The following HECW1 variants were observed in gnomAD, a reference collection of about 807,000 sequenced individuals.
The protein encoded by HECW1 is E3 ubiquitin-protein ligase HECW1.
In HECW1, 61 loss-of-function variants were observed where a neutral mutation model predicts 182.3. The observed-to-expected ratio is 0.33, with a 90% CI of 0.27 to 0.41. The LOEUF (loss-of-function observed/expected upper bound fraction) is 0.41. HECW1 is among the 10% of genes least tolerant of loss of function. The pLI is 1.00. For synonymous variants in HECW1, 859 were observed against 832.6 expected (o/e 1.03, Z -0.55); for missense variants, 1,739 against 2,108.9 (o/e 0.82, Z 3.44).
chr7:43,210,072 G>A (rs190661927), intron 2 of HECW1, among the ~76,000 whole-genome samples: 57 of 152,256 alleles, frequency 3.7e-4, no homozygotes, highest in East Asian at 1.2e-3. Flanking sequence ...GTCAACAGCC[G>A]GGGACTGGCA....
chr7:43,317,809 TTGTGTGTGTGTGTGTGTG>T (rs3032881), intron 4 of HECW1, among the ~76,000 whole-genome samples: 6 of 142,616 alleles, frequency 4.2e-5, no homozygotes, highest in East Asian at 2.1e-4. Flanking sequence ...TTTCTCATTA[TTGTGTGTGTGTGTGTGTG>T]TGTGTGTGTG....
intron 2 of HECW1, among the ~76,000 whole-genome samples, chr7:43,182,427 T>C (rs1792957687): frequency 6.6e-6 from 1 of 152,240 alleles, no homozygotes; most frequent in Admixed American, 6.5e-5. Context: ...CCCCAATGTG[T>C]GTTTTTGGTC....
At chr7:43,213,250 G>A (rs1441680843) in intron 2 of HECW1, among the ~76,000 whole-genome samples, 7 of 151,984 alleles carry the variant, frequency 4.6e-5, no homozygotes, top group Non-Finnish European at 4.4e-5. Context: ...ACTGAAGCAG[G>A]ACTGACTTGA....
chr7:43,517,121 G>C (rs1034225449), intron 24 of HECW1, among the ~76,000 whole-genome samples: 1 of 152,248 alleles, frequency 6.6e-6, no homozygotes, highest in Non-Finnish European at 1.5e-5. Flanking sequence ...TTACATAATT[G>C]TCAGTGTGAG....
intron 3 of HECW1, among the ~76,000 whole-genome samples, chr7:43,246,991 A>C (rs968660565): frequency 5.9e-5 from 9 of 152,150 alleles, no homozygotes; most frequent in African/African-American, 2.2e-4. Context: ...CCCTCCATAC[A>C]TAGGTGGAGT....
intron 2 of HECW1, among the ~76,000 whole-genome samples, chr7:43,215,243 G>A (rs1390153269): frequency 6.6e-6 from 1 of 152,228 alleles, no homozygotes; most frequent in Non-Finnish European, 1.5e-5. Context: ...CCCTTGCTGT[G>A]CCCGCATTAA....
chr7:43,542,799 G>A (rs1563108427), intron 26 of HECW1, among the ~76,000 whole-genome samples: 3 of 152,220 alleles, frequency 2.0e-5, no homozygotes, highest in Middle Eastern at 3.4e-3. Flanking sequence ...CAATTCCTTG[G>A]GAACTACTTC....
chr7:43,490,906 C>T lies in HECW1; in HGVS notation c.3235-1169C>T, dbSNP rs147212228. ...CCGAGTAGCTAGGATTACAGGCATG[C>T]GCCACCATGCCTGGCTTATTTTTAG... On this transcript the variant is annotated intron_variant, in intron 17 of 29. Transcript: ENST00000395891. Among the ~76,000 whole-genome samples the T allele has an allele frequency of 5.6e-3, 848 of 152,150 alleles. 5 individuals carry two copies. Among genetic ancestry groups the T allele is most frequent in the African/African-American group, 0.019 (801 of 41,498 alleles).
chr7:43,256,876 A>G (rs1800646071), intron 3 of HECW1, among the ~76,000 whole-genome samples: 1 of 152,204 alleles, frequency 6.6e-6, no homozygotes, highest in Non-Finnish European at 1.5e-5. Flanking sequence ...TATATAAACC[A>G]TGTATTGACA....
At chr7:43,302,955 G>GCGCACACACACGCGCA (rs1554347432) in intron 3 of HECW1, among the ~76,000 whole-genome samples, 4 of 151,116 alleles carry the variant, frequency 2.6e-5, no homozygotes, top group African/African-American at 9.7e-5. Flanking sequence ...ACACATGCGC[G>GCGCACACACACGCGCA]CACACACACA....
At chr7:43,361,065 T>C (rs1350607349) in intron 6 of HECW1, 85 bp downstream of exon 6, 174 of 489,264 alleles carry the variant, frequency 3.6e-4, no homozygotes, top group African/African-American at 5.5e-4. Flanking sequence ...TGCGTGTGTG[T>C]GTGTGTGTGT....
intron 6 of HECW1, among the ~76,000 whole-genome samples, chr7:43,382,564 G>C (rs1320863295): frequency 6.6e-6 from 1 of 152,322 alleles, no homozygotes; most frequent in East Asian, 1.9e-4. Flanking sequence ...AAAATAACGA[G>C]TTACTGCCTA....
chr7:43,121,297 C>T lies in HECW1; in HGVS notation c.-32+6906C>T, dbSNP rs73690255. Among the ~76,000 whole-genome samples, 492 of 152,260 alleles carry T rather than the reference C, an allele frequency of 3.2e-3. 5 individuals carry two copies. The highest frequency in any genetic ancestry group is 0.012 in the African/African-American group (481 of 41,538). ...ACTTGATAAAAACTGTTCTTTGCTT[C>T]CTCTGGGCCACACTGACTTTGTCAT... On this transcript the variant is annotated intron_variant, in intron 2 of 29. Transcript: ENST00000395891.
intron 5 of HECW1, among the ~76,000 whole-genome samples, chr7:43,343,684 G>A (rs1813311129): frequency 6.6e-6 from 1 of 151,772 alleles, no homozygotes; most frequent in Non-Finnish European, 1.5e-5. Context: ...CATTTGGGTT[G>A]GTTTCAAGTC....
chr7:43,430,251 C>T (rs986574387), intron 8 of HECW1, among the ~76,000 whole-genome samples: 3 of 152,162 alleles, frequency 2.0e-5, no homozygotes, highest in African/African-American at 7.2e-5. Flanking sequence ...TGTAGCATCA[C>T]CCTCACATCC....
rs150883650 is a variant in HECW1 at position 43,354,509 on chromosome 7, T to C, written c.461-6377T>C. On this transcript the variant is annotated intron_variant, in intron 5 of 29. Coordinates refer to ENST00000395891, the MANE Select transcript of HECW1 (RefSeq NM_015052.5). Reference sequence around the variant, plus strand: ...CAAATCTTGGAACTGAGAAATATATTTGCTGAAGTGAAAAATTTATTACAC... The same window carrying C: ...CAAATCTTGGAACTGAGAAATATATCTGCTGAAGTGAAAAATTTATTACAC... 2.2e-3 allele frequency among the ~76,000 whole-genome samples: 336 copies of C among 152,268 alleles called. 1 individual carries two copies. The highest frequency in any genetic ancestry group is 7.9e-3 in the African/African-American group (330 of 41,568).
chr7:43,558,433 G>A (rs2082101171), intron 29 of HECW1, among the ~76,000 whole-genome samples: 1 of 152,180 alleles, frequency 6.6e-6, no homozygotes, highest in Non-Finnish European at 1.5e-5. Context: ...GCCTGGTTAA[G>A]TTAGTAGTTG....
At chr7:43,440,288 T>A (rs1055572055) in intron 9 of HECW1, 2 of 152,628 alleles carry the variant, frequency 1.3e-5, no homozygotes, top group Non-Finnish European at 2.9e-5. Context: ...ACTGGCTGCC[T>A]CCCTGCCCTG....
At chr7:43,341,544 C>T (rs1813000958) in intron 5 of HECW1, among the ~76,000 whole-genome samples, 1 of 151,740 alleles carries the variant, frequency 6.6e-6, no homozygotes, top group Non-Finnish European at 1.5e-5. Context: ...TTTTCATTCA[C>T]ATAACCAGAC....
Sources: allele counts gnomAD v4.1 joint callset (sites outside exome capture counted in the v4.1 genomes callset), GRCh38; gene constraint gnomAD v4.1.1; transcripts MANE v1.5; gene names NCBI Gene and HGNC (gene_info 2026-07-23, HGNC 2026-07-21).